The following RDM1 variants were observed in gnomAD, a reference collection of about 807,000 sequenced individuals.
RDM1 encodes RAD52 motif-containing protein 1.
A neutral mutation model predicts 27.7 loss-of-function variants in RDM1; 28 were observed. The ratio of observed to expected loss-of-function variants is 1.01; its 90% CI spans 0.75 to 1.39. The LOEUF is 1.39. Among genes scored for constraint, RDM1 ranks in the 40% most tolerant of loss-of-function variants. The probability of loss-of-function intolerance (pLI) is 0.00; values close to 1 mark genes in which losing one functional copy is unlikely to be tolerated. For synonymous variants in RDM1, 124 were observed against 127.5 expected (o/e 0.97, Z 0.19); for missense variants, 277 against 337.3 (o/e 0.82, Z 1.40).
intron 2 of RDM1, among the ~76,000 whole-genome samples, chr17:35,928,841 T>G (rs2089236244): frequency 6.6e-6 from 1 of 151,822 alleles, no homozygotes; most frequent in South Asian, 2.1e-4. Context: ...TTTGGGAGGC[T>G]GAGGTGGGTG....
chr17:35,925,442 C>G, intron 3 of RDM1, 73 bp downstream of exon 3: 1 of 1,556,438 alleles, frequency 6.4e-7, no homozygotes, highest in East Asian at 2.2e-5. Context: ...CAGTTCAATA[C>G]TTCTGTCTAA....
rs957915231 is a variant in RDM1 at position 35,930,075 on chromosome 17, C to T, written c.276+1G>A. On this transcript the variant is annotated splice_donor_variant, in intron 2 of 6. Transcript: ENST00000620284. LOFTEE classifies it high-confidence loss of function. ...GCTAGGAATTCCATATTTGGACCCA[C>T]CTTGACTGGAGATTTCTGAAAAAGC... 9 of 1,612,728 alleles carry T rather than the reference C, an allele frequency of 5.6e-6. No individual in the cohort carries two copies. Among genetic ancestry groups the T allele is most frequent in the African/African-American group, 1.3e-5 (1 of 74,828 alleles).
chr17:35,924,434 C>T (rs1432800372), intron 4 of RDM1, among the ~76,000 whole-genome samples, 170 bp downstream of exon 4: 1 of 152,104 alleles, frequency 6.6e-6, no homozygotes, highest in Non-Finnish European at 1.5e-5. Context: ...GTATTGCCTA[C>T]AGTAAAACCC....
chr17:35,924,802 C>T (rs1438737607), intron 3 of RDM1, 30 bp from the exon 4 acceptor site: 9 of 1,603,110 alleles, frequency 5.6e-6, no homozygotes, highest in East Asian at 4.5e-5. Flanking sequence ...AAGGTCCTTC[C>T]TGGGGTCTTA....
intron 3 of RDM1, 134 bp from the exon 4 acceptor site, chr17:35,924,906 T>C: frequency 1.4e-6 from 1 of 726,738 alleles, no homozygotes. Flanking sequence ...GAGGCCGAGG[T>C]GGGCGGATCA....
chr17:35,920,709 C>T (rs576336696), intron 5 of RDM1, among the ~76,000 whole-genome samples: 1 of 152,046 alleles, frequency 6.6e-6, no homozygotes, highest in Non-Finnish European at 1.5e-5. Context: ...CCTGCCTTGG[C>T]CTCCCAAAAT....
chr17:35,925,438 A>G, intron 3 of RDM1, 77 bp downstream of exon 3: 1 of 1,539,228 alleles, frequency 6.5e-7, no homozygotes, highest in Non-Finnish European at 8.9e-7. Flanking sequence ...AATCCAGTTC[A>G]ATACTTCTGT....
chr17:35,930,251 G>A lies in RDM1; in HGVS notation c.101C>T (p.Ser34Phe). 2.5e-6 allele frequency: 4 copies of A among 1,614,130 alleles called. No homozygotes were observed. Among genetic ancestry groups the A allele is most frequent in the Non-Finnish European group, 3.4e-6 (4 of 1,180,018 alleles). Reference protein sequence around the residue: ...SGPTAEALHHSLFTAFSQFGL... With the variant: ...SGPTAEALHHFLFTAFSQFGL... ...AAACTGAGAAAATGCTGTGAACAGA[G>A]AATGCTGTGGGGGTGGGACAAGTAA... The change falls in exon 2 of 7, where the codon TCT becomes TTT. Residue 34 changes from serine to phenylalanine, a missense_variant. Physicochemically the swap from Ser to Phe is radical, Grantham distance 155. Transcript: ENST00000620284.
At chr17:35,924,563 C>A (rs763715468) in intron 4 of RDM1, 41 bp downstream of exon 4, 1 of 1,571,724 alleles carries the variant, frequency 6.4e-7, no homozygotes, top group Non-Finnish European at 8.7e-7. Flanking sequence ...ATCCTTTCCA[C>A]TCCAAATCCC....
At chr17:35,926,651 G>T (rs577449374) in intron 2 of RDM1, among the ~76,000 whole-genome samples, 5 of 152,042 alleles carry the variant, frequency 3.3e-5, no homozygotes, top group African/African-American at 1.2e-4. Context: ...TGATCTGCCC[G>T]CCTCGGCCTC....
rs766568550 is a variant in RDM1 at position 35,918,316 on chromosome 17, A to G, written c.*26T>C. 1.9e-6 allele frequency: 3 copies of G among 1,591,756 alleles called. No individual in the cohort carries two copies. The highest frequency in any genetic ancestry group is 1.3e-5 in the African/African-American group (1 of 74,564). ...CAGAGCTTCCCAAGGAAGTTACATGACCTCGCCTTGGGATATTCAGAAATG... is the reference window on the plus strand; with the variant it reads ...CAGAGCTTCCCAAGGAAGTTACATGGCCTCGCCTTGGGATATTCAGAAATG... On this transcript the variant is annotated 3_prime_UTR_variant, in exon 7 of 7. Transcript: ENST00000620284.
In RDM1 at chr17:35,925,579, GA is replaced by G. The variant is rs1412922583; in HGVS notation, c.334del (p.Ser112ProfsTer46). 2.3e-5 allele frequency: 37 copies of G among 1,614,010 alleles called. No individual in the cohort carries two copies. Among genetic ancestry groups the G allele is most frequent in the Non-Finnish European group, 3.0e-5 (35 of 1,180,018 alleles). ...GTAATTCGCCAGTTCTTGGCATTTG[GA>G]ACTGTTCAGGGCAAGGGCTTGATGT... is the stretch of plus-strand genomic sequence containing the variant. The part of the protein sequence containing the change: ...VQHQALALNS[S>X]KCQELANYYF... On this transcript the variant is annotated frameshift_variant, in exon 3 of 7. Coordinates refer to ENST00000620284, the MANE Select transcript of RDM1 (RefSeq NM_145654.4). LOFTEE classifies it high-confidence loss of function.
intron 5 of RDM1, among the ~76,000 whole-genome samples, chr17:35,921,918 C>CT (rs755056334): frequency 0.069 from 8,023 of 116,024 alleles, 436 homozygotes; most frequent in African/African-American, 0.079. Context: ...ATTAAAAAAT[C>CT]TTTTTTTTTT....
chr17:35,925,720 A>C (rs770609190), intron 2 of RDM1, 83 bp from the exon 3 acceptor site: 217 of 1,464,160 alleles, frequency 1.5e-4, no homozygotes, highest in Non-Finnish European at 1.9e-4. Context: ...GTCAATACCA[A>C]GTGTGCAATG....
At position 35,918,427 on chromosome 17, in the gene RDM1, C is replaced by G; in HGVS notation, c.770G>C (p.Trp257Ser). The G allele has an allele frequency of 6.2e-7, 1 of 1,614,102 alleles. No individual in the cohort carries two copies. The highest frequency in any genetic ancestry group is 8.5e-7 in the Non-Finnish European group (1 of 1,179,986). ...HGLIQVPCSP[W>S]KQYGQEEEGY... The stretch of plus-strand genomic sequence containing the variant: ...TTCCTCCTCTTGGCCATACTGCTTC[C>G]AGGGAGAGCAAGGGACCTGCAAAAT... Residue 257 changes from tryptophan (W) to serine (S), a missense_variant, in exon 7 of 7, where the codon TGG becomes TCG. Physicochemically the swap from Trp to Ser is radical, Grantham distance 177 (BLOSUM62 -3). Coordinates refer to ENST00000620284, the MANE Select transcript of RDM1 (RefSeq NM_145654.4).
chr17:35,927,115 CAAAAAAAAAAA>C (rs955692533), intron 2 of RDM1, among the ~76,000 whole-genome samples: 3 of 75,474 alleles, frequency 4.0e-5, no homozygotes, highest in South Asian at 9.0e-4. Flanking sequence ...TTCATTTCAC[CAAAAAAAAAAA>C]AAAAAAAAAA....
At position 35,918,430 on chromosome 17, in the gene RDM1, G is replaced by T. The variant is rs893073339; in HGVS notation, c.767C>A (p.Pro256His). ...CTCCTCTTGGCCATACTGCTTCCAG[G>T]GAGAGCAAGGGACCTGCAAAATGTG... ...LHGLIQVPCS[P>H]WKQYGQEEEG... Residue 256 changes from proline (P) to histidine (H), a missense_variant, in exon 7 of 7, where the codon CCC becomes CAC. Pro to His is a moderately conservative substitution (Grantham distance 77, BLOSUM62 -2). Coordinates refer to ENST00000620284, the MANE Select transcript of RDM1 (RefSeq NM_145654.4). 2 of 1,614,040 alleles carry T rather than the reference G, an allele frequency of 1.2e-6. No homozygotes were observed. Among genetic ancestry groups the T allele is most frequent in the Non-Finnish European group, 1.7e-6 (2 of 1,179,972 alleles).
In RDM1 at chr17:35,919,806, C is replaced by T. The variant is rs567600010; in HGVS notation, c.753+381G>A. Among the ~76,000 whole-genome samples the T allele has an allele frequency of 4.5e-4, 69 of 152,260 alleles. 2 individuals are homozygous for T. The South Asian group carries it at 0.013, about 28-fold the overall frequency. On this transcript the variant is annotated intron_variant, in intron 6 of 6. Coordinates refer to ENST00000620284, the MANE Select transcript of RDM1 (RefSeq NM_145654.4). ...TGTATTTGAAAGGCATTATAGTTTT[C>T]GAAAGCTGTAGCACGATCATTCTTA...
In RDM1 at chr17:35,924,204, G is replaced by A. The variant is rs183411042; in HGVS notation, c.568+400C>T. On this transcript the variant is annotated intron_variant, in intron 4 of 6. Coordinates refer to ENST00000620284, the MANE Select transcript of RDM1 (RefSeq NM_145654.4). ...CTACTGCATTCTAGCCTGGGCAACA[G>A]AGCAAGATCCTATCTCTAAAAAATA... Among the ~76,000 whole-genome samples, 7 of 152,144 alleles carry A rather than the reference G, an allele frequency of 4.6e-5. No individual in the cohort carries two copies. In the East Asian group the frequency reaches 1.4e-3, roughly 29 times the overall value.
Sources: allele counts gnomAD v4.1 joint callset (sites outside exome capture counted in the v4.1 genomes callset), GRCh38; gene constraint gnomAD v4.1.1; transcripts MANE v1.5; gene names NCBI Gene and HGNC (gene_info 2026-07-23, HGNC 2026-07-21).